GANC: variants seen among roughly 807,000 people sequenced by gnomAD.
The protein encoded by GANC is neutral alpha-glucosidase C.
In GANC, 117 loss-of-function variants were observed where a neutral mutation model predicts 124.2. That is an observed-to-expected ratio of 0.94 (90% CI 0.81 to 1.10). GANC has a LOEUF of 1.10. Among genes scored for constraint, GANC ranks in the 50% least tolerant of loss-of-function variants. GANC has a pLI of 0.00. For missense variants in GANC, 1,140 were observed against 1,095.0 expected (o/e 1.04, Z -0.58); for synonymous variants, 377 against 376.8 (o/e 1.00, Z -0.01).
At chr15:42,303,469 A>G (rs2141037743) in intron 6 of GANC, among the ~76,000 whole-genome samples, 1 of 152,306 alleles carries the variant, frequency 6.6e-6, no homozygotes, top group African/African-American at 2.4e-5. Context: ...ATAACCAGCT[A>G]GTATCATAAT....
At chr15:42,327,469 C>G (rs2052207432) in intron 13 of GANC, 27 bp downstream of exon 13, 1 of 1,504,726 alleles carries the variant, frequency 6.6e-7, no homozygotes, top group Non-Finnish European at 9.2e-7. Flanking sequence ...TTGTTCTTTT[C>G]TAGTTACCTG....
chr15:42,314,202 C>T (rs1232130090), intron 10 of GANC: 13 of 754,792 alleles, frequency 1.7e-5, no homozygotes, highest in Non-Finnish European at 2.7e-5. Context: ...AAAATATTCC[C>T]CACAAGGAGT....
Position 42,321,925 on chromosome 15 carries a change from G to A in GANC, c.1198G>A (p.Glu400Lys). 4 of 1,614,194 alleles carry A rather than the reference G, an allele frequency of 2.5e-6. No individual in the cohort carries two copies. The highest frequency in any genetic ancestry group is 2.2e-5 in the East Asian group (1 of 44,876). ...TTATGATGCCATGTGGCTGGACATA[G>A]AGCACACTGAGGGCAAGAGGTACTT... is the stretch of plus-strand genomic sequence containing the variant. ...IPYDAMWLDI[E>K]HTEGKRYFTW... The change falls in exon 11 of 24, where the codon GAG (glutamate) becomes AAG (lysine). Residue 400 changes from glutamate to lysine, a missense_variant. Coordinates refer to ENST00000318010, the MANE Select transcript of GANC (RefSeq NM_198141.3).
Position 42,273,618 on chromosome 15 carries a change from TG to T in GANC, c.-861del. On this transcript the variant is annotated 5_prime_UTR_variant, in exon 1 of 24. Coordinates refer to ENST00000318010, the MANE Select transcript of GANC (RefSeq NM_198141.3). The stretch of plus-strand genomic sequence containing the variant: ...GTCATCCTGTTGGAACCTGGTCAGC[TG>T]GGTTAGAGAGATCGCTACATGCCAG... The T allele has an allele frequency of 2.8e-6, 2 of 705,762 alleles. No individual in the cohort carries two copies. The highest frequency in any genetic ancestry group is 4.5e-6 in the Non-Finnish European group (2 of 439,762). The allele number at this position is 705,762 out of a possible 1,614,324, so 43.7% of individuals were successfully genotyped here. A position where few individuals can be genotyped will look rare whatever the true frequency, so the allele number is the denominator to read the frequency against.
In GANC at chr15:42,280,811, C is replaced by A. The variant is rs1312883776; in HGVS notation, c.201+2221C>A. 6 of 620,650 alleles carry A rather than the reference C, an allele frequency of 9.7e-6. No homozygotes were observed. The East Asian group carries it at 1.6e-4, about 17-fold the overall frequency. 38.4% of individuals were successfully genotyped at this position (620,650 alleles called of 1,614,324 possible). The stretch of plus-strand genomic sequence containing the variant: ...TGAGCCGAAATGAAAATTCTCAACA[C>A]AGCGTGATACCAGTTTGCGGTGGAC... On this transcript the variant is annotated intron_variant, in intron 3 of 23. Coordinates refer to ENST00000318010, the MANE Select transcript of GANC (RefSeq NM_198141.3).
intron 6 of GANC, among the ~76,000 whole-genome samples, chr15:42,301,022 AAAAAAAAAAG>A (rs997915313): frequency 2.7e-5 from 4 of 148,478 alleles, no homozygotes; most frequent in African/African-American, 1.0e-4. Flanking sequence ...CCATCTCAAA[AAAAAAAAAAG>A]AAAGAAAGAA....
intron 3 of GANC, among the ~76,000 whole-genome samples, chr15:42,285,664 A>G (rs1468471873): frequency 1.3e-5 from 2 of 152,082 alleles, no homozygotes; most frequent in African/African-American, 2.4e-5. Context: ...GTGTGATGGC[A>G]CGCACCTGTA....
intron 6 of GANC, 152 bp downstream of exon 6, chr15:42,297,808 T>A (rs1195313633): frequency 2.1e-6 from 1 of 473,082 alleles, no homozygotes; most frequent in African/African-American, 2.1e-5. Flanking sequence ...CGGCTCACCT[T>A]GTCATCTCGT....
chr15:42,304,650 T>A (rs2051976257), intron 6 of GANC, among the ~76,000 whole-genome samples: 1 of 152,218 alleles, frequency 6.6e-6, no homozygotes. Context: ...AGAGTCCATA[T>A]AGCCAAGACA....
chr15:42,329,971 T>G lies in GANC; in HGVS notation c.1644+522T>G, dbSNP rs891649078. 3.3e-5 allele frequency among the ~76,000 whole-genome samples: 5 copies of G among 152,274 alleles called. No individual in the cohort carries two copies. In the East Asian group the frequency reaches 9.6e-4, roughly 29 times the overall value. ...AAAGGTGGTAAAATTATCTTTCATTTGCCAACTACATCCAAAAGACGTGGC... is the reference window on the plus strand; with the variant it reads ...AAAGGTGGTAAAATTATCTTTCATTGGCCAACTACATCCAAAAGACGTGGC... On this transcript the variant is annotated intron_variant, in intron 14 of 23. Coordinates refer to ENST00000318010, the MANE Select transcript of GANC (RefSeq NM_198141.3).
chr15:42,305,695 A>G (rs368219751), intron 6 of GANC, among the ~76,000 whole-genome samples: 3 of 152,234 alleles, frequency 2.0e-5, no homozygotes, highest in South Asian at 2.1e-4. Context: ...AACCAACTCA[A>G]ATGCCTATCA....
At chr15:42,277,812 G>C (rs2051688280) in intron 2 of GANC, among the ~76,000 whole-genome samples, 1 of 150,356 alleles carries the variant, frequency 6.7e-6, no homozygotes, top group African/African-American at 2.4e-5. Flanking sequence ...ATGTTGGTCA[G>C]GCTAGTCTTG....
intron 16 of GANC, among the ~76,000 whole-genome samples, 168 bp downstream of exon 16, chr15:42,338,658 G>A (rs1344499493): frequency 6.6e-6 from 1 of 152,178 alleles, no homozygotes; most frequent in East Asian, 1.9e-4. Context: ...GAGAGTGAAA[G>A]GCATGCCTCA....
chr15:42,305,446 C>CA (rs1176136266), intron 6 of GANC, among the ~76,000 whole-genome samples: 1 of 152,154 alleles, frequency 6.6e-6, no homozygotes, highest in African/African-American at 2.4e-5. Context: ...AGTCAGGAAA[C>CA]AACAGATGCT....
Position 42,339,875 on chromosome 15 carries a change from T to C in GANC, c.2050T>C (p.Phe684Leu). Reference sequence around the variant, plus strand: ...CCTCCTGCCATATTGGTATTCTCTGTTCTACCATGCACACGTGGCTTCCCA... The same window carrying C: ...CCTCCTGCCATATTGGTATTCTCTGCTCTACCATGCACACGTGGCTTCCCA... ...YGLLPYWYSL[F>L]YHAHVASQPV... The change falls in exon 17 of 24, where the codon TTC becomes CTC. Residue 684 changes from phenylalanine (F) to leucine (L), a missense_variant. Coordinates refer to ENST00000318010, the MANE Select transcript of GANC (RefSeq NM_198141.3). 6.2e-7 allele frequency: 1 copy of C among 1,614,142 alleles called. No homozygotes were observed. Among genetic ancestry groups the C allele is most frequent in the Non-Finnish European group, 8.5e-7 (1 of 1,180,002 alleles).
At chr15:42,309,974 G>T (rs934666081) in intron 8 of GANC, among the ~76,000 whole-genome samples, 1 of 152,076 alleles carries the variant, frequency 6.6e-6, no homozygotes, top group African/African-American at 2.4e-5. Flanking sequence ...AGCCAAGATC[G>T]CACCACTGCA....
chr15:42,293,736 A>G (rs748206964), intron 5 of GANC, among the ~76,000 whole-genome samples: 2 of 151,600 alleles, frequency 1.3e-5, no homozygotes, highest in Non-Finnish European at 2.9e-5. Context: ...CTGTGTACCC[A>G]CTACTCATGT....
At chr15:42,297,720 A>G in intron 6 of GANC, 64 bp downstream of exon 6, 2 of 1,196,756 alleles carry the variant, frequency 1.7e-6, no homozygotes, top group Non-Finnish European at 2.4e-6. Context: ...AGGGCATATA[A>G]GGAATTCTCT....
intron 4 of GANC, among the ~76,000 whole-genome samples, chr15:42,291,852 G>A (rs1028534648): frequency 1.7e-4 from 26 of 152,256 alleles, no homozygotes; most frequent in African/African-American, 6.3e-4. Flanking sequence ...AAAGAACTCT[G>A]TCTGGGTTCA....
Sources: allele counts gnomAD v4.1 joint callset (sites outside exome capture counted in the v4.1 genomes callset), GRCh38; gene constraint gnomAD v4.1.1; transcripts MANE v1.5; gene names NCBI Gene and HGNC (gene_info 2026-07-23, HGNC 2026-07-21).